CNTN5: variants seen among roughly 807,000 people sequenced by gnomAD.
CNTN5 encodes the protein contactin 5.
Under a neutral mutation model 129.1 loss-of-function variants are expected in CNTN5, and 77 were observed. That is an observed-to-expected ratio of 0.60 (90% CI 0.50 to 0.72). The LOEUF is 0.72. Ranked by LOEUF, CNTN5 falls within the 30% of genes least tolerant of loss-of-function variation. The pLI is 0.00. For missense variants in CNTN5, 1,478 were observed against 1,328.8 expected, an observed-to-expected ratio of 1.11 and a Z score of -1.75; for synonymous variants, 509 against 465.6, an observed-to-expected ratio of 1.09 and a Z score of -1.20.
intron 2 of CNTN5, among the ~76,000 whole-genome samples, chr11:99,366,664 T>G (rs1449352957): frequency 1.3e-5 from 2 of 152,172 alleles, no homozygotes; most frequent in Middle Eastern, 3.2e-3. Flanking sequence ...TGCATCTTGG[T>G]AAATGCTTCT....
chr11:99,164,935 G>A (rs977031805), intron 1 of CNTN5, among the ~76,000 whole-genome samples: 1 of 152,148 alleles, frequency 6.6e-6, no homozygotes, highest in South Asian at 2.1e-4. Context: ...ATATGTGTGT[G>A]TATATATCTA....
intron 1 of CNTN5, among the ~76,000 whole-genome samples, chr11:99,064,613 G>A (rs1482215265): frequency 1.3e-5 from 2 of 152,054 alleles, no homozygotes. Flanking sequence ...TGAATCATGA[G>A]TAAGGTTCTT....
At chr11:99,146,571 C>T (rs528569405) in intron 1 of CNTN5, among the ~76,000 whole-genome samples, 2 of 152,192 alleles carry the variant, frequency 1.3e-5, no homozygotes, top group Non-Finnish European at 2.9e-5. Flanking sequence ...GGGTTCTAAA[C>T]ACAAATAGTA....
chr11:100,162,216 G>A (rs1034889014), intron 13 of CNTN5, among the ~76,000 whole-genome samples: 3 of 151,754 alleles, frequency 2.0e-5, no homozygotes, highest in Admixed American at 1.3e-4. Context: ...AACTAACCGC[G>A]ATAAAGAACT....
intron 1 of CNTN5, among the ~76,000 whole-genome samples, chr11:99,158,004 T>G (rs897537324): frequency 6.6e-6 from 1 of 152,132 alleles, no homozygotes; most frequent in Non-Finnish European, 1.5e-5. Flanking sequence ...TACCTTTGTG[T>G]TATGCTAAAT....
chr11:99,453,119 A>G (rs1944370905), intron 2 of CNTN5, among the ~76,000 whole-genome samples: 1 of 152,194 alleles, frequency 6.6e-6, no homozygotes, highest in Non-Finnish European at 1.5e-5. Context: ...AGAACCTGTA[A>G]AAGTAGCACT....
At chr11:99,127,780 G>C (rs1327281530) in intron 1 of CNTN5, among the ~76,000 whole-genome samples, 1 of 151,900 alleles carries the variant, frequency 6.6e-6, no homozygotes, top group Non-Finnish European at 1.5e-5. Context: ...AGCATTCCTT[G>C]ACCTTTAGGG....
intron 1 of CNTN5, among the ~76,000 whole-genome samples, chr11:99,265,137 A>G (rs1862827867): frequency 6.6e-6 from 1 of 152,042 alleles, no homozygotes; most frequent in Non-Finnish European, 1.5e-5. Context: ...GAATTAAAAA[A>G]AAATAGTAAC....
intron 4 of CNTN5, among the ~76,000 whole-genome samples, chr11:99,825,740 G>A (rs1946933773): frequency 6.6e-6 from 1 of 152,042 alleles, no homozygotes; most frequent in Non-Finnish European, 1.5e-5. Context: ...TAGCGGGCAA[G>A]TTTATCAATC....
At chr11:99,247,057 A>G (rs191016455) in intron 1 of CNTN5, among the ~76,000 whole-genome samples, 1 of 152,300 alleles carries the variant, frequency 6.6e-6, no homozygotes, top group Non-Finnish European at 1.5e-5. Context: ...GACATAACTT[A>G]ATAGTATAAT....
chr11:99,233,185 GAATT>G (rs1861091198), intron 1 of CNTN5, among the ~76,000 whole-genome samples: 1 of 152,110 alleles, frequency 6.6e-6, no homozygotes, highest in Non-Finnish European at 1.5e-5. Flanking sequence ...TGTCACAGCT[GAATT>G]GAATTATCCT....
intron 3 of CNTN5, among the ~76,000 whole-genome samples, chr11:99,713,161 T>G (rs924620863): frequency 7.2e-5 from 11 of 152,142 alleles, no homozygotes; most frequent in African/African-American, 2.4e-4. Context: ...TTGATTTCCT[T>G]GAGCAGTGGT....
chr11:100,248,835 T>C (rs920764807), intron 16 of CNTN5, among the ~76,000 whole-genome samples: 1 of 152,146 alleles, frequency 6.6e-6, no homozygotes, highest in Non-Finnish European at 1.5e-5. Flanking sequence ...CTGGCACCAC[T>C]AGTTGCTGTC....
intron 7 of CNTN5, among the ~76,000 whole-genome samples, chr11:99,925,515 C>G (rs1043435085): frequency 6.6e-6 from 1 of 152,090 alleles, no homozygotes; most frequent in Non-Finnish European, 1.5e-5. Flanking sequence ...GCAATGGACA[C>G]TGAAGGACTA....
chr11:100,315,268 G>T (rs949871010), intron 21 of CNTN5, among the ~76,000 whole-genome samples: 3 of 152,156 alleles, frequency 2.0e-5, no homozygotes, highest in African/African-American at 7.2e-5. Flanking sequence ...CATCTTAATT[G>T]GTTTAAGAAA....
At chr11:99,651,784 A>G (rs1031758221) in intron 3 of CNTN5, among the ~76,000 whole-genome samples, 67 of 152,062 alleles carry the variant, frequency 4.4e-4, no homozygotes, top group African/African-American at 1.0e-3. Flanking sequence ...AAAATCAACT[A>G]TAAAATTAAA....
At chr11:99,629,437 C>T (rs1449400106) in intron 3 of CNTN5, among the ~76,000 whole-genome samples, 3 of 151,926 alleles carry the variant, frequency 2.0e-5, no homozygotes, top group Non-Finnish European at 4.4e-5. Flanking sequence ...TTCTCAGGAT[C>T]TATTAAGAAA....
At chr11:100,084,990 A>C (rs1324392391) in intron 13 of CNTN5, among the ~76,000 whole-genome samples, 1 of 152,154 alleles carries the variant, frequency 6.6e-6, no homozygotes, top group Non-Finnish European at 1.5e-5. Flanking sequence ...CACAGAAAGA[A>C]AAGTGAGTAC....
chr11:99,929,409 C>T (rs950651382), intron 7 of CNTN5, among the ~76,000 whole-genome samples: 11 of 152,194 alleles, frequency 7.2e-5, no homozygotes, highest in Non-Finnish European at 1.2e-4. Flanking sequence ...CAGTGCCCCA[C>T]TCTCCGTGGT....
Sources: allele counts gnomAD v4.1 joint callset (sites outside exome capture counted in the v4.1 genomes callset), GRCh38; gene constraint gnomAD v4.1.1; transcripts MANE v1.5; gene names NCBI Gene and HGNC (gene_info 2026-07-23, HGNC 2026-07-21).